PCED1B: variants seen among roughly 807,000 people sequenced by gnomAD.
PCED1B encodes the protein PC-esterase domain-containing protein 1B.
For synonymous variants in PCED1B, 251 were observed against 246.1 expected, an observed-to-expected ratio of 1.02 and a Z score of -0.19; for missense variants, 573 against 573.9, an observed-to-expected ratio of 1.00 and a Z score of 0.02.
At chr12:47,161,555 A>C (rs1241799273) in intron 2 of PCED1B, among the ~76,000 whole-genome samples, 1 of 152,220 alleles carries the variant, frequency 6.6e-6, no homozygotes, top group Non-Finnish European at 1.5e-5. Context: ...GAAATACCTG[A>C]GGTTGAGATA....
At chr12:47,127,246 A>G (rs1057215370) in intron 2 of PCED1B, among the ~76,000 whole-genome samples, 2 of 152,100 alleles carry the variant, frequency 1.3e-5, no homozygotes, top group Non-Finnish European at 2.9e-5. Flanking sequence ...TTACATTTAC[A>G]TACAGATTGA....
intron 3 of PCED1B, among the ~76,000 whole-genome samples, chr12:47,219,747 A>G (rs1043443300): frequency 5.3e-5 from 8 of 152,206 alleles, no homozygotes; most frequent in Non-Finnish European, 1.0e-4. Flanking sequence ...TTCAACAGAG[A>G]ATAACAAGGA....
intron 2 of PCED1B, among the ~76,000 whole-genome samples, chr12:47,151,234 C>T (rs879873049): frequency 5.9e-5 from 9 of 151,726 alleles, no homozygotes; most frequent in Admixed American, 5.9e-4. Context: ...AACAGTGATC[C>T]CATAAGATTA....
At chr12:47,158,086 T>G (rs1358817677) in intron 2 of PCED1B, among the ~76,000 whole-genome samples, 1 of 152,246 alleles carries the variant, frequency 6.6e-6, no homozygotes, top group Non-Finnish European at 1.5e-5. Flanking sequence ...ACTTCCACAT[T>G]TTACCTGTTA....
At chr12:47,137,299 G>A (rs948828533) in intron 2 of PCED1B, among the ~76,000 whole-genome samples, 2 of 152,082 alleles carry the variant, frequency 1.3e-5, no homozygotes, top group African/African-American at 4.8e-5. Context: ...ATTTGATCAT[G>A]TCCAAAATAT....
chr12:47,080,434 ACTGT>A (rs1937635983), intron 1 of PCED1B, among the ~76,000 whole-genome samples: 1 of 152,118 alleles, frequency 6.6e-6, no homozygotes, highest in Non-Finnish European at 1.5e-5. Context: ...AGTGCAGTTG[ACTGT>A]CTGGGTTTAC....
At position 47,217,979 on chromosome 12, in the gene PCED1B, A is replaced by G. The variant is rs11183807; in HGVS notation, c.-58+1290A>G. Among the ~76,000 whole-genome samples, 1,695 of 152,334 alleles carry G rather than the reference A, an allele frequency of 0.011. 88 individuals carry two copies. The East Asian group carries it at 0.16, about 14-fold the overall frequency. ...ACTAAATAATTAATGTTGCTAAATA[A>G]TAAGTTAAATGCTTCATTTAACTGG... On this transcript the variant is annotated intron_variant, in intron 3 of 3. Coordinates refer to ENST00000546455, the MANE Select transcript of PCED1B (RefSeq NM_138371.3).
intron 2 of PCED1B, among the ~76,000 whole-genome samples, chr12:47,122,152 C>T (rs1430521073): frequency 6.6e-6 from 1 of 151,340 alleles, no homozygotes; most frequent in Non-Finnish European, 1.5e-5. Context: ...ACATTTAATA[C>T]ACAGTAATCA....
At chr12:47,211,894 T>C (rs1219257395) in intron 2 of PCED1B, among the ~76,000 whole-genome samples, 1 of 150,064 alleles carries the variant, frequency 6.7e-6, no homozygotes, top group Non-Finnish European at 1.5e-5. Flanking sequence ...GCTAAAACGG[T>C]GAAACCCCGT....
chr12:47,112,429 A>C (rs1029426062), intron 2 of PCED1B, among the ~76,000 whole-genome samples: 1 of 152,232 alleles, frequency 6.6e-6, no homozygotes, highest in Non-Finnish European at 1.5e-5. Flanking sequence ...TCTATACTTC[A>C]TTAAGTTTCT....
At chr12:47,142,358 G>A (rs1940627369) in intron 2 of PCED1B, among the ~76,000 whole-genome samples, 1 of 152,068 alleles carries the variant, frequency 6.6e-6, no homozygotes, top group African/African-American at 2.4e-5. Context: ...TATAAATACT[G>A]GAAAAGGTGT....
intron 1 of PCED1B, among the ~76,000 whole-genome samples, chr12:47,093,154 A>T (rs1461548164): frequency 2.6e-5 from 4 of 150,998 alleles, no homozygotes; most frequent in East Asian, 1.9e-4. Flanking sequence ...GCTTAATTTT[A>T]AAAAAAAATA....
chr12:47,080,423 A>C (rs1176705230), intron 1 of PCED1B, among the ~76,000 whole-genome samples: 6 of 152,262 alleles, frequency 3.9e-5, no homozygotes, highest in East Asian at 1.9e-4. Flanking sequence ...TGCCTGCGCC[A>C]AGTGCAGTTG....
chr12:47,179,075 A>T (rs1942017224), intron 2 of PCED1B, among the ~76,000 whole-genome samples: 1 of 152,212 alleles, frequency 6.6e-6, no homozygotes, highest in Non-Finnish European at 1.5e-5. Flanking sequence ...GAATTGGAGC[A>T]TTACCATAAT....
At chr12:47,231,659 A>G (rs1013272151) in intron 3 of PCED1B, among the ~76,000 whole-genome samples, 4 of 152,158 alleles carry the variant, frequency 2.6e-5, no homozygotes, top group African/African-American at 4.8e-5. Context: ...ACTTGAACTT[A>G]TATCTTTCCA....
Position 47,101,382 on chromosome 12 carries a change from C to T in PCED1B, c.-608-2731C>T, listed in dbSNP as rs139864419. ...CTGTCACTTACTGGGCTTTCTTGTT[C>T]GTTCGTTTCTTTTTCAGTAAAATGA... On this transcript the variant is annotated intron_variant, in intron 1 of 3. Coordinates refer to ENST00000546455, the MANE Select transcript of PCED1B (RefSeq NM_138371.3). Among the ~76,000 whole-genome samples, 622 of 152,210 alleles carry T rather than the reference C, an allele frequency of 4.1e-3. 5 individuals are homozygous for T. The highest frequency in any genetic ancestry group is 0.014 in the African/African-American group (571 of 41,532).
At chr12:47,169,664 A>G (rs966501925) in intron 2 of PCED1B, among the ~76,000 whole-genome samples, 1 of 152,152 alleles carries the variant, frequency 6.6e-6, no homozygotes, top group Non-Finnish European at 1.5e-5. Flanking sequence ...TCTAATACAT[A>G]CAAAGTAATT....
rs144045900 is a variant in PCED1B at position 47,196,067 on chromosome 12, C to A, written c.-525-20155C>A. ...ATTTCAGTTCCAAAATAAATGAATT[C>A]TTTTAACTTTGCAAAGACTATTACA... On this transcript the variant is annotated intron_variant, in intron 2 of 3. Coordinates refer to ENST00000546455, the MANE Select transcript of PCED1B (RefSeq NM_138371.3). Among the ~76,000 whole-genome samples, 380 of 152,274 alleles carry A rather than the reference C, an allele frequency of 2.5e-3. 2 individuals carry two copies. The highest frequency in any genetic ancestry group is 4.2e-3 in the Non-Finnish European group (288 of 68,022).
intron 1 of PCED1B, chr12:47,080,095 G>C (rs961552575): frequency 6.5e-6 from 1 of 152,684 alleles, no homozygotes; most frequent in South Asian, 2.1e-4. Context: ...TCCTCCTCCA[G>C]CTCCCACCCG....
Sources: gnomAD v4.1 joint callset for allele counts (sites outside exome capture counted in the v4.1 genomes callset) on GRCh38, gnomAD v4.1.1 for gene constraint, MANE v1.5 for transcripts, NCBI Gene and HGNC (gene_info 2026-07-23, HGNC 2026-07-21) for gene names.